The following ITGA9 variants were observed in gnomAD, a reference collection of about 807,000 sequenced individuals.
ITGA9 encodes the protein integrin subunit alpha 9.
A neutral mutation model predicts 127.8 loss-of-function variants in ITGA9; 56 were observed. That is an observed-to-expected ratio of 0.44 (90% CI 0.35 to 0.55). The LOEUF is 0.55. Ranked by LOEUF, ITGA9 falls within the 20% of genes least tolerant of loss-of-function variation. ITGA9 has a pLI of 0.00. For synonymous variants in ITGA9, 508 were observed against 514.5 expected, an observed-to-expected ratio of 0.99 and a Z score of 0.17; for missense variants, 1,196 against 1,347.1, an observed-to-expected ratio of 0.89 and a Z score of 1.76.
chr3:37,536,088 G>T (rs1699204652), intron 14 of ITGA9, among the ~76,000 whole-genome samples: 1 of 152,180 alleles, frequency 6.6e-6, no homozygotes, highest in Non-Finnish European at 1.5e-5. Context: ...AGTTTGGAAG[G>T]TCAGTCTTCA....
At chr3:37,739,188 A>G (rs567207922) in intron 20 of ITGA9, among the ~76,000 whole-genome samples, 88 of 152,374 alleles carry the variant, frequency 5.8e-4, no homozygotes, top group African/African-American at 2.0e-3. Context: ...TGCTGGGCAC[A>G]TGAGAAAATG....
At chr3:37,524,095 A>G (rs1309498555) in intron 12 of ITGA9, among the ~76,000 whole-genome samples, 27 of 152,166 alleles carry the variant, frequency 1.8e-4, no homozygotes, top group Non-Finnish European at 2.9e-5. Flanking sequence ...GACCTTCACC[A>G]TTCAATGCTG....
In ITGA9 at chr3:37,819,485, A is replaced by T. The variant is rs1367513136; in HGVS notation, c.*496A>T. ...TACCGTACTTTGGAACTTGCTGTTTAAAAAGACAGATGAAATAAGTTGAAG... is the reference window on the plus strand; with the variant it reads ...TACCGTACTTTGGAACTTGCTGTTTTAAAAGACAGATGAAATAAGTTGAAG... On this transcript the variant is annotated 3_prime_UTR_variant, in exon 28 of 28. Coordinates refer to ENST00000264741, the MANE Select transcript of ITGA9 (RefSeq NM_002207.3). 6.3e-6 allele frequency: 1 copy of T among 159,792 alleles called. No individual in the cohort carries two copies. Among genetic ancestry groups the T allele is most frequent in the Non-Finnish European group, 1.4e-5 (1 of 72,102 alleles). 9.9% of individuals were successfully genotyped at this position (159,792 alleles called of 1,614,324 possible).
rs1287476120 is a variant in ITGA9 at position 37,494,550 on chromosome 3, A to G, written c.594A>G (p.Ile198Met). ...AACACGGCTCCTGCCAGGCTGGGAT[A>G]GCGGGCTTCTTCACCGAGGTGGGTG... ...GEEHGSCQAG[I>M]AGFFTEELVV... is the part of the protein sequence containing the mutation. Residue 198 changes from isoleucine (I) to methionine (M), a missense_variant, in exon 5 of 28, where the codon ATA becomes ATG. Transcript: ENST00000264741. 1 of 1,613,698 alleles carries G rather than the reference A, an allele frequency of 6.2e-7. No homozygotes were observed. The highest frequency in any genetic ancestry group is 8.5e-7 in the Non-Finnish European group (1 of 1,179,740).
intron 20 of ITGA9, among the ~76,000 whole-genome samples, chr3:37,740,650 C>G (rs1183078176): frequency 6.6e-6 from 1 of 152,170 alleles, no homozygotes; most frequent in African/African-American, 2.4e-5. Flanking sequence ...CCTTACCTGT[C>G]AAAGGTGGGT....
chr3:37,455,043 A>G (rs1698241980), intron 1 of ITGA9, among the ~76,000 whole-genome samples: 1 of 152,118 alleles, frequency 6.6e-6, no homozygotes, highest in African/African-American at 2.4e-5. Flanking sequence ...CAATTTTATA[A>G]TTTTATGTTA....
At position 37,528,295 on chromosome 3, in the gene ITGA9, G is replaced by A. The variant is rs571465252; in HGVS notation, c.1373+2224G>A. 3.3e-5 allele frequency among the ~76,000 whole-genome samples: 5 copies of A among 152,292 alleles called. No homozygotes were observed. The South Asian group carries it at 1.0e-3, about 32-fold the overall frequency. On this transcript the variant is annotated intron_variant, in intron 13 of 27. Transcript: ENST00000264741. The stretch of plus-strand genomic sequence containing the variant: ...AAAGCGAGGCAGTTACACAATGGGT[G>A]GGAGACCCCAGACTCCAGCCTAGGA...
chr3:37,791,794 A>G (rs75083470), intron 26 of ITGA9, among the ~76,000 whole-genome samples: 5,370 of 152,276 alleles, frequency 0.035, 287 homozygotes, highest in South Asian at 0.12. Flanking sequence ...CAAGCCTGGT[A>G]TCTCAACCAG....
chr3:37,617,751 G>A (rs771399231), intron 15 of ITGA9, among the ~76,000 whole-genome samples: 8 of 151,570 alleles, frequency 5.3e-5, no homozygotes, highest in South Asian at 2.1e-4. Context: ...CTAGTTGATC[G>A]AATTGGCTAC....
chr3:37,684,685 T>C (rs1376487885), intron 18 of ITGA9, among the ~76,000 whole-genome samples: 3 of 152,140 alleles, frequency 2.0e-5, no homozygotes, highest in Non-Finnish European at 1.5e-5. Flanking sequence ...GCCAGGCTGG[T>C]CTGGAAATCC....
At chr3:37,687,240 A>G (rs1327124093) in intron 18 of ITGA9, among the ~76,000 whole-genome samples, 1 of 152,242 alleles carries the variant, frequency 6.6e-6, no homozygotes, top group Non-Finnish European at 1.5e-5. Flanking sequence ...AAATGTTACA[A>G]TGAAACCAGG....
chr3:37,703,036 C>G (rs898953481), intron 18 of ITGA9, among the ~76,000 whole-genome samples: 8 of 152,178 alleles, frequency 5.3e-5, no homozygotes, highest in African/African-American at 1.9e-4. Flanking sequence ...TACTCCCTTA[C>G]TGGTCTCCCT....
chr3:37,473,822 T>G (rs1698462550), intron 3 of ITGA9, among the ~76,000 whole-genome samples: 1 of 152,210 alleles, frequency 6.6e-6, no homozygotes, highest in Non-Finnish European at 1.5e-5. Flanking sequence ...TGTAACCATA[T>G]GCCCACTGAG....
chr3:37,509,576 C>T (rs1698880818), intron 8 of ITGA9, among the ~76,000 whole-genome samples: 1 of 152,090 alleles, frequency 6.6e-6, no homozygotes, highest in Non-Finnish European at 1.5e-5. Flanking sequence ...CCATGTTGTT[C>T]TCCCATTCAA....
At chr3:37,810,456 C>T (rs1253613564) in intron 27 of ITGA9, among the ~76,000 whole-genome samples, 1 of 151,724 alleles carries the variant, frequency 6.6e-6, no homozygotes. Context: ...CACTCTGTCA[C>T]CCAGGCTGGA....
At chr3:37,533,925 G>A (rs1699183350) in intron 14 of ITGA9, among the ~76,000 whole-genome samples, 1 of 152,202 alleles carries the variant, frequency 6.6e-6, no homozygotes, top group South Asian at 2.1e-4. Flanking sequence ...GATGGATGGT[G>A]GGATTCGGAT....
chr3:37,512,023 CT>C (rs748640006), intron 8 of ITGA9, among the ~76,000 whole-genome samples: 2,782 of 26,034 alleles, frequency 0.11, 248 homozygotes, highest in East Asian at 0.17. Flanking sequence ...CTTTTCTTTT[CT>C]TTTCTTTCTT....
At chr3:37,809,802 A>G (rs898420897) in intron 27 of ITGA9, among the ~76,000 whole-genome samples, 3 of 152,220 alleles carry the variant, frequency 2.0e-5, no homozygotes, top group African/African-American at 7.2e-5. Flanking sequence ...CAACCTAAGA[A>G]TGATACATTA....
intron 1 of ITGA9, among the ~76,000 whole-genome samples, chr3:37,457,534 C>T (rs1698274074): frequency 6.6e-6 from 1 of 152,202 alleles, no homozygotes. Context: ...AGCATCTTTG[C>T]AGAGTTCCTC....
Sources: gnomAD v4.1 joint callset for allele counts (sites outside exome capture counted in the v4.1 genomes callset) on GRCh38, gnomAD v4.1.1 for gene constraint, MANE v1.5 for transcripts, NCBI Gene and HGNC (gene_info 2026-07-23, HGNC 2026-07-21) for gene names.